ABCD2: variants seen among roughly 807,000 people sequenced by gnomAD.
The protein encoded by ABCD2 is ATP binding cassette subfamily D member 2.
ABCD2 carries 36 observed loss-of-function variants against 70.9 expected under a neutral mutation model. The observed-to-expected ratio is 0.51, with a 90% CI of 0.39 to 0.67. The LOEUF (loss-of-function observed/expected upper bound fraction) is 0.67. Among genes scored for constraint, ABCD2 ranks in the 30% least tolerant of loss-of-function variants. ABCD2 has a pLI of 0.00. For missense variants in ABCD2, 729 were observed against 890.2 expected (o/e 0.82, Z 2.30); for synonymous variants, 304 against 306.9 (o/e 0.99, Z 0.10).
rs145173777 is a variant in ABCD2 at position 39,559,308 on chromosome 12, C to T, written c.2004-5177G>A. Among the ~76,000 whole-genome samples, 755 of 136,962 alleles carry T rather than the reference C, an allele frequency of 5.5e-3. 6 individuals are homozygous for T. The highest frequency in any genetic ancestry group is 0.019 in the African/African-American group (709 of 37,290). The allele number at this position is 136,962 out of a possible 152,430, so 89.9% of individuals were successfully genotyped here. On this transcript the variant is annotated intron_variant, in intron 9 of 9. Coordinates refer to ENST00000308666, the MANE Select transcript of ABCD2 (RefSeq NM_005164.4). The stretch of plus-strand genomic sequence containing the variant: ...AGGAGAATTGCTTGAATCCAGGAAG[C>T]GGAGGTTGCAGTGAGCTAAGATCAC...
intron 9 of ABCD2, among the ~76,000 whole-genome samples, chr12:39,561,657 A>G (rs918090337): frequency 6.6e-6 from 1 of 152,180 alleles, no homozygotes; most frequent in African/African-American, 2.4e-5. Flanking sequence ...AAGATATGAT[A>G]ATTCTGAATA....
intron 3 of ABCD2, among the ~76,000 whole-genome samples, 170 bp downstream of exon 3, chr12:39,607,429 A>T (rs994815100): frequency 2.0e-5 from 3 of 152,216 alleles, no homozygotes; most frequent in African/African-American, 7.2e-5. Flanking sequence ...AACAAAGGAT[A>T]TTAGCAGCAT....
Position 39,573,705 on chromosome 12 carries a change from G to C in ABCD2, c.2003+11C>G. 2 of 1,597,344 alleles carry C rather than the reference G, an allele frequency of 1.3e-6. No individual in the cohort carries two copies. The highest frequency in any genetic ancestry group is 1.7e-6 in the Non-Finnish European group (2 of 1,173,686). ...AACCATCTACCACAAATTAGCACTAGAAACACTTACCAAAGAGAAGGTCTG... is the reference window on the plus strand; with the variant it reads ...AACCATCTACCACAAATTAGCACTACAAACACTTACCAAAGAGAAGGTCTG... On this transcript the variant is annotated intron_variant, in intron 9 of 9. Transcript: ENST00000308666.
chr12:39,567,958 C>T (rs1358692174), intron 9 of ABCD2, among the ~76,000 whole-genome samples: 1 of 151,950 alleles, frequency 6.6e-6, no homozygotes, highest in Non-Finnish European at 1.5e-5. Context: ...TTGGCCCCCA[C>T]TCTCTTCTGG....
intron 7 of ABCD2, among the ~76,000 whole-genome samples, chr12:39,582,593 A>G (rs563993528): frequency 1.3e-5 from 2 of 152,346 alleles, no homozygotes; most frequent in South Asian, 4.1e-4. Context: ...CTTGCCCAAG[A>G]TAAACATGTA....
chr12:39,585,103 C>A (rs1168840009), intron 7 of ABCD2, among the ~76,000 whole-genome samples: 1 of 152,110 alleles, frequency 6.6e-6, no homozygotes, highest in Non-Finnish European at 1.5e-5. Flanking sequence ...ATGTAAATTG[C>A]TTTGGGCAAC....
intron 3 of ABCD2, among the ~76,000 whole-genome samples, chr12:39,605,800 A>G (rs1019439508): frequency 3.3e-5 from 5 of 152,168 alleles, no homozygotes; most frequent in African/African-American, 1.2e-4. Context: ...AAGGTATCTC[A>G]GAAATAAATG....
rs1240341899 is a variant in ABCD2, at chr12:39,596,477, C to A, written c.1646+4094G>T. ...GAAACACAATACTCCAGCTATTTCT[C>A]CCTTTTTTTCTTTTTCTTTCTTTAA... On this transcript the variant is annotated intron_variant, in intron 6 of 9. Transcript: ENST00000308666. 4.7e-5 allele frequency among the ~76,000 whole-genome samples: 7 copies of A among 148,160 alleles called. No individual in the cohort carries two copies. The East Asian group carries it at 1.4e-3, about 29-fold the overall frequency.
downstream of ABCD2, among the ~76,000 whole-genome samples, chr12:39,548,261 GACTAA>G (rs1276132259): frequency 6.6e-6 from 1 of 152,050 alleles, no homozygotes; most frequent in Admixed American, 6.6e-5. Context: ...AGGTAGGCGA[GACTAA>G]ACTATGATGT....
chr12:39,603,659 T>C (rs1941930900), intron 5 of ABCD2, among the ~76,000 whole-genome samples: 1 of 152,068 alleles, frequency 6.6e-6, no homozygotes, highest in Non-Finnish European at 1.5e-5. Flanking sequence ...AAATTTCCTA[T>C]TGTTCCCCAA....
intron 2 of ABCD2, among the ~76,000 whole-genome samples, chr12:39,609,851 T>G (rs1942021695): frequency 6.6e-6 from 1 of 152,214 alleles, no homozygotes; most frequent in African/African-American, 2.4e-5. Context: ...ATGTATTTAC[T>G]AGACACTTAG....
intron 6 of ABCD2, among the ~76,000 whole-genome samples, chr12:39,595,880 AGCTAGAGACT>A (rs1359324392): frequency 3.3e-5 from 5 of 152,208 alleles, no homozygotes; most frequent in Non-Finnish European, 7.3e-5. Context: ...TGAGCTCCTT[AGCTAGAGACT>A]GGGAAAATGG....
downstream of ABCD2, among the ~76,000 whole-genome samples, chr12:39,545,491 T>C (rs533422026): frequency 4.1e-4 from 63 of 152,198 alleles, no homozygotes; most frequent in African/African-American, 1.5e-3. Flanking sequence ...TATATAACAT[T>C]CTCAGCAGGG....
the ABCD2 span, among the ~76,000 whole-genome samples, chr12:39,532,706 A>G: frequency 2.0e-5 from 3 of 152,232 alleles, no homozygotes; most frequent in South Asian, 6.2e-4. Context: ...ACAGTGGAAC[A>G]GTGCACCACC....
intron 5 of ABCD2, 68 bp downstream of exon 5, chr12:39,603,844 C>G (rs57513108): frequency 1.7e-6 from 2 of 1,176,680 alleles, no homozygotes; most frequent in Non-Finnish European, 2.5e-6. Context: ...ACATAAGGTA[C>G]ATGAATTCTG....
At chr12:39,560,011 ATTTC>A (rs1941230598) in intron 9 of ABCD2, among the ~76,000 whole-genome samples, 1 of 152,072 alleles carries the variant, frequency 6.6e-6, no homozygotes, top group Non-Finnish European at 1.5e-5. Context: ...TAAATCACTT[ATTTC>A]TTTTTTTTAT....
At chr12:39,599,747 C>T (rs1287018651) in intron 6 of ABCD2, among the ~76,000 whole-genome samples, 1 of 152,202 alleles carries the variant, frequency 6.6e-6, no homozygotes, top group African/African-American at 2.4e-5. Flanking sequence ...TATGAGAGCA[C>T]TATACTTGAT....
At position 39,604,018 on chromosome 12, in the gene ABCD2, A is replaced by C; in HGVS notation, c.1406-12T>G. On this transcript the variant is annotated splice_polypyrimidine_tract_variant and intron_variant, in intron 4 of 9. Coordinates refer to ENST00000308666, the MANE Select transcript of ABCD2 (RefSeq NM_005164.4). ...ATCAATAACTTTTCCTGTAATTAAGAAAAAGTGTAAGATACAAACATTATC... is the reference window on the plus strand; with the variant it reads ...ATCAATAACTTTTCCTGTAATTAAGCAAAAGTGTAAGATACAAACATTATC... The C allele has an allele frequency of 6.4e-7, 1 of 1,559,378 alleles. No individual in the cohort carries two copies. Among genetic ancestry groups the C allele is most frequent in the Non-Finnish European group, 8.8e-7 (1 of 1,131,880 alleles).
intron 2 of ABCD2, among the ~76,000 whole-genome samples, chr12:39,612,044 C>T (rs1369201379): frequency 1.3e-5 from 2 of 152,042 alleles, no homozygotes; most frequent in African/African-American, 4.8e-5. Context: ...CAGTGAAGTA[C>T]CACTATACAC....
Sources: gnomAD v4.1 joint callset for allele counts (sites outside exome capture counted in the v4.1 genomes callset) on GRCh38, gnomAD v4.1.1 for gene constraint, MANE v1.5 for transcripts, NCBI Gene and HGNC (gene_info 2026-07-23, HGNC 2026-07-21) for gene names.